TAF7L: variants seen among roughly 807,000 people sequenced by gnomAD.
TAF7L encodes the protein transcription initiation factor TFIID subunit 7-like.
In TAF7L, 6 loss-of-function variants were observed where a neutral mutation model predicts 30.2. That is an observed-to-expected ratio of 0.20 (90% CI 0.11 to 0.39). The LOEUF is 0.39. Among genes scored for constraint, TAF7L ranks in the 10% least tolerant of loss-of-function variants. The probability of loss-of-function intolerance (pLI) is 1.00; values close to 1 mark genes in which losing one functional copy is unlikely to be tolerated. For synonymous variants in TAF7L, 93 were observed against 94.5 expected (o/e 0.98, Z 0.09); for missense variants, 284 against 277.1 (o/e 1.03, Z -0.18).
At chrX:101,285,082 A>G (rs1042262514) in intron 3 of TAF7L, among the ~76,000 whole-genome samples, 2 of 111,250 alleles carry the variant, frequency 1.8e-5, no homozygotes, top group African/African-American at 6.5e-5. Flanking sequence ...GCAGAGAGAT[A>G]TGCCTTCAAC....
chrX:101,272,298 C>T lies in TAF7L; in HGVS notation c.1086+2924G>A, dbSNP rs190322368. Among the ~76,000 whole-genome samples the T allele has an allele frequency of 3.6e-5, 4 of 112,001 alleles. No individual in the cohort carries two copies. The East Asian group carries it at 8.4e-4, about 23-fold the overall frequency. ...ACCCAGTAATTGACCCAACTCCTGT[C>T]AATTCTACCTTTAAAGTATATTCTC... On this transcript the variant is annotated intron_variant, in intron 12 of 12. Transcript: ENST00000356784.
At position 101,290,449 on chromosome X, in the gene TAF7L, T is replaced by C. The variant is rs1479539323; in HGVS notation, c.-3+775A>G. ...AACAGAACATAGTAACAATTAAGGCTGGGAGCAGGAACAGATTATTTGAAG... is the reference window on the plus strand; with the variant it reads ...AACAGAACATAGTAACAATTAAGGCCGGGAGCAGGAACAGATTATTTGAAG... On this transcript the variant is annotated intron_variant, in intron 1 of 12. Transcript: ENST00000356784. Among the ~76,000 whole-genome samples the C allele has an allele frequency of 8.0e-5, 9 of 111,953 alleles. No homozygotes were observed. The Admixed American group carries it at 8.5e-4, about 11-fold the overall frequency.
In TAF7L at chrX:101,287,552, T is replaced by C; in HGVS notation, c.-2-7A>G. The C allele has an allele frequency of 8.3e-7, 1 of 1,203,461 alleles. No individual in the cohort carries two copies. Among genetic ancestry groups the C allele is most frequent in the Non-Finnish European group, 1.1e-6 (1 of 889,084 alleles). On this transcript the variant is annotated splice_region_variant and splice_polypyrimidine_tract_variant and intron_variant, in intron 1 of 12. Coordinates refer to ENST00000356784, the MANE Select transcript of TAF7L (RefSeq NM_001168474.2). ...TCCTGGCTTTCACTCATGTCTTGAT[T>C]TTGAGTTCATGAAAGCAAAAAGAAA...
At chrX:101,272,993 C>T (rs1217229152) in intron 12 of TAF7L, among the ~76,000 whole-genome samples, 1 of 111,080 alleles carries the variant, frequency 9.0e-6, no homozygotes, top group Non-Finnish European at 1.9e-5. Context: ...AGGCTGGTCT[C>T]GAACTCCTGG....
chrX:101,270,835 A>T (rs188321676), intron 12 of TAF7L, among the ~76,000 whole-genome samples: 62 of 111,182 alleles, frequency 5.6e-4, no homozygotes, highest in Non-Finnish European at 9.0e-4. Context: ...GTTATTCCCC[A>T]GGTAAAAAGG....
intron 6 of TAF7L, 108 bp from the exon 7 acceptor site, chrX:101,279,143 TC>T: frequency 1.7e-6 from 1 of 600,633 alleles, no homozygotes; most frequent in Non-Finnish European, 2.6e-6. Context: ...TAGTAGGCAC[TC>T]AATAAATGTT....
At chrX:101,290,300 CTCT>C (rs775450976) in intron 1 of TAF7L, among the ~76,000 whole-genome samples, 1 of 111,914 alleles carries the variant, frequency 8.9e-6, no homozygotes, top group African/African-American at 3.2e-5. Flanking sequence ...GTAATTTCTT[CTCT>C]TCTTGTTTCA....
At position 101,276,068 on chromosome X, in the gene TAF7L, G is replaced by C. The variant is rs769455746; in HGVS notation, c.958C>G (p.His320Asp). ...CTTTGTGCTTTATTCTGAATCTTAT[G>C]GAGCTTTTTCTCCTTTTTCTCAATC... ...KQIEKKEKKL[H>D]KIQNKAQRQK... Residue 320 changes from histidine (H) to aspartate (D), a missense_variant, in exon 11 of 13, where the codon CAT becomes GAT. Coordinates refer to ENST00000356784, the MANE Select transcript of TAF7L (RefSeq NM_001168474.2). The C allele has an allele frequency of 5.8e-6, 7 of 1,206,595 alleles. No individual in the cohort carries two copies. Among genetic ancestry groups the C allele is most frequent in the Non-Finnish European group, 7.8e-6 (7 of 893,899 alleles).
intron 6 of TAF7L, among the ~76,000 whole-genome samples, chrX:101,279,631 T>A (rs948203352): frequency 9.1e-6 from 1 of 110,086 alleles, no homozygotes; most frequent in Admixed American, 9.8e-5. Flanking sequence ...AAAAAATAAA[T>A]AAATAAATAA....
At chrX:101,292,881 G>C, upstream of TAF7L, 1 of 1,211,560 alleles carries the variant, frequency 8.3e-7, no homozygotes, top group Non-Finnish European at 1.1e-6. Flanking sequence ...CAGGAATCTG[G>C]GTGCCTTCGT....
chrX:101,281,023 G>A (rs1569511444), intron 6 of TAF7L, among the ~76,000 whole-genome samples: 1 of 111,781 alleles, frequency 8.9e-6, no homozygotes, highest in Non-Finnish European at 1.9e-5. Flanking sequence ...GGATCCTTGT[G>A]ATGAAACTGT....
At position 101,279,006 on chromosome X, in the gene TAF7L, G is replaced by A; in HGVS notation, c.492C>T (p.Ser164=). The A allele has an allele frequency of 8.3e-7, 1 of 1,206,391 alleles. No individual in the cohort carries two copies. The highest frequency in any genetic ancestry group is 1.1e-6 in the Non-Finnish European group (1 of 891,331). ...ATGATTGCTCTACCTCAGTAAAGCT[G>A]CTTTTTTCCATTTCTTTGACATCAG... is the stretch of plus-strand genomic sequence containing the variant. ...KVPDVKEMEK[S]SFTEYIESPD... is the part of the protein sequence containing the mutation. Residue 164 remains serine, a synonymous_variant, in exon 7 of 13, where the codon AGC becomes AGT. Transcript: ENST00000356784.
chrX:101,283,664 G>C, intron 3 of TAF7L, 81 bp from the exon 4 acceptor site: 3 of 1,050,718 alleles, frequency 2.9e-6, no homozygotes, highest in Non-Finnish European at 3.9e-6. Context: ...GAAGACTTAT[G>C]TGGGACAGAT....
chrX:101,286,808 A>G (rs988857169), intron 2 of TAF7L, among the ~76,000 whole-genome samples, 155 bp from the exon 3 acceptor site: 10 of 112,079 alleles, frequency 8.9e-5, no homozygotes, highest in Non-Finnish European at 1.9e-4. Context: ...TGTGCACTGT[A>G]TAAGTCAAGT....
chrX:101,285,894 T>C (rs1924569845), intron 3 of TAF7L, among the ~76,000 whole-genome samples: 1 of 111,419 alleles, frequency 9.0e-6, no homozygotes, highest in Non-Finnish European at 1.9e-5. Flanking sequence ...GAAAAATATA[T>C]GTCACTGGCC....
intron 12 of TAF7L, among the ~76,000 whole-genome samples, chrX:101,274,963 A>G (rs1451875518): frequency 1.8e-5 from 2 of 111,904 alleles, no homozygotes; most frequent in Admixed American, 9.5e-5. Context: ...CCAAGAACCT[A>G]TCAATGACAC....
At chrX:101,269,967 G>A (rs191777238) in intron 12 of TAF7L, among the ~76,000 whole-genome samples, 1 of 111,729 alleles carries the variant, frequency 9.0e-6, no homozygotes, top group Admixed American at 9.5e-5. Flanking sequence ...TGATAAAACA[G>A]TTGGGACACT....
rs1923888479 is a variant in TAF7L at position 101,269,178 on chromosome X, C to T, written c.*15G>A. On this transcript the variant is annotated 3_prime_UTR_variant, in exon 13 of 13. Coordinates refer to ENST00000356784, the MANE Select transcript of TAF7L (RefSeq NM_001168474.2). ...TGGTGAATCCAAGGTTTGTGGGCCA[C>T]GCCAATGGCTCTCCTCACTTCTTCA... 35 of 1,205,695 alleles carry T rather than the reference C, an allele frequency of 2.9e-5. No individual in the cohort carries two copies. Among genetic ancestry groups the T allele is most frequent in the South Asian group, 1.1e-4 (6 of 55,874 alleles).
intron 6 of TAF7L, among the ~76,000 whole-genome samples, chrX:101,279,562 A>C (rs1455608960): frequency 9.0e-6 from 1 of 111,681 alleles, no homozygotes; most frequent in Non-Finnish European, 1.9e-5. Context: ...CAGAGACTGC[A>C]GTGAGCAGAG....
Sources: allele counts gnomAD v4.1 joint callset (sites outside exome capture counted in the v4.1 genomes callset), GRCh38; gene constraint gnomAD v4.1.1; transcripts MANE v1.5; gene names NCBI Gene and HGNC (gene_info 2026-07-23, HGNC 2026-07-21).